SYNE2: variants seen among roughly 807,000 people sequenced by gnomAD.
The protein encoded by SYNE2 is spectrin repeat containing nuclear envelope protein 2.
A neutral mutation model predicts 856.3 loss-of-function variants in SYNE2; 431 were observed. That is an observed-to-expected ratio of 0.50 (90% CI 0.47 to 0.55). The LOEUF is 0.55. SYNE2 is among the 20% of genes least tolerant of loss of function. SYNE2 has a pLI of 0.00. For synonymous variants in SYNE2, 2,923 were observed against 2,872.3 expected (o/e 1.02, Z -0.56); for missense variants, 8,129 against 8,023.2 (o/e 1.01, Z -0.50).
chr14:63,809,614 C>T (rs1366110784), intron 1 of SYNE2, among the ~76,000 whole-genome samples: 3 of 152,154 alleles, frequency 2.0e-5, no homozygotes, highest in Non-Finnish European at 4.4e-5. Flanking sequence ...ATGCTCCTGC[C>T]TCATCCTCCC....
chr14:64,052,090 A>T lies in SYNE2; in HGVS notation c.8177A>T (p.Gln2726Leu), dbSNP rs1232922042. The T allele has an allele frequency of 3.1e-6, 5 of 1,614,228 alleles. No individual in the cohort carries two copies. The highest frequency in any genetic ancestry group is 4.2e-6 in the Non-Finnish European group (5 of 1,180,034). The stretch of plus-strand genomic sequence containing the variant: ...CCATTACACTTAGAAGCAGAAAATC[A>T]GATTAAGAAGTGTGACATAAGGAAC... ...LEPLHLEAEN[Q>L]IKKCDIRNKM... Residue 2726 changes from glutamine to leucine, a missense_variant, in exon 48 of 116, where the codon CAG becomes CTG. Physicochemically the swap from Gln to Leu is moderately radical, Grantham distance 113. This residue lies in a region of SYNE2 where 5,410 missense variants were observed against 5,284.8 expected (regional missense o/e 1.02). Coordinates refer to ENST00000555002, the MANE Select transcript of SYNE2 (RefSeq NM_182914.3).
chr14:64,175,301 G>A (rs913228906), intron 95 of SYNE2, among the ~76,000 whole-genome samples, 163 bp downstream of exon 95: 1 of 152,158 alleles, frequency 6.6e-6, no homozygotes. Context: ...GTGAAATGAT[G>A]ATATAGCATT....
chr14:63,939,304 G>T (rs2095871495), intron 2 of SYNE2, among the ~76,000 whole-genome samples: 1 of 151,956 alleles, frequency 6.6e-6, no homozygotes, highest in African/African-American at 2.4e-5. Context: ...TGTACTCTGA[G>T]GGTTCAGGTC....
At chr14:64,141,842 A>G (rs1026158438) in intron 81 of SYNE2, 100 bp from the exon 82 acceptor site, 17 of 1,439,420 alleles carry the variant, frequency 1.2e-5, no homozygotes, top group African/African-American at 2.8e-5. Flanking sequence ...GCATAATTAT[A>G]TAGCAAGACC....
intron 49 of SYNE2, among the ~76,000 whole-genome samples, chr14:64,056,499 G>A (rs1343738335): frequency 6.8e-6 from 1 of 148,148 alleles, no homozygotes; most frequent in African/African-American, 2.5e-5. Flanking sequence ...ATTTAATATT[G>A]GGTACACACA....
chr14:64,086,270 A>G (rs2097560561), intron 57 of SYNE2, among the ~76,000 whole-genome samples: 1 of 152,240 alleles, frequency 6.6e-6, no homozygotes, highest in African/African-American at 2.4e-5. Context: ...AACAATCACC[A>G]TTAAATTACT....
rs10544076 is a variant in SYNE2, at chr14:63,895,775, C to CAAAAAAA, written c.-51-13309_-51-13303dup. ...GAGTGAGACCCTGTCTCCAAATCTCCAAAAAAAAAAAAAAAAAAAACCTAG... is the reference window on the plus strand; with the variant it reads ...GAGTGAGACCCTGTCTCCAAATCTCCAAAAAAAAAAAAAAAAAAAAAAAAAAACCTAG... On this transcript the variant is annotated intron_variant, in intron 1 of 115. Coordinates refer to ENST00000555002, the MANE Select transcript of SYNE2 (RefSeq NM_182914.3). 6.8e-4 allele frequency among the ~76,000 whole-genome samples: 63 copies of CAAAAAAA among 92,604 alleles called. 1 individual carries two copies. The highest frequency in any genetic ancestry group is 2.3e-3 in the African/African-American group (50 of 22,024). The allele number at this position is 92,604 out of a possible 152,430, so 60.8% of individuals were successfully genotyped here. A position where few individuals can be genotyped will look rare whatever the true frequency, so the allele number is the denominator to read the frequency against.
At position 64,086,682 on chromosome 14, in the gene SYNE2, G is replaced by C. The variant is rs180805917; in HGVS notation, c.11485-989G>C. Among the ~76,000 whole-genome samples the C allele has an allele frequency of 3.7e-3, 478 of 128,230 alleles. 1 individual carries two copies. Among genetic ancestry groups the C allele is most frequent in the African/African-American group, 0.013 (459 of 35,218 alleles). The allele number at this position is 128,230 out of a possible 152,430, so 84.1% of individuals were successfully genotyped here. On this transcript the variant is annotated intron_variant, in intron 57 of 115. Coordinates refer to ENST00000555002, the MANE Select transcript of SYNE2 (RefSeq NM_182914.3). Reference sequence around the variant, plus strand: ...ATTTAATTTTTCTCAACAATGTTTTGTGATTTTCAGTATGCAGGTCTTTTT... The same window carrying C: ...ATTTAATTTTTCTCAACAATGTTTTCTGATTTTCAGTATGCAGGTCTTTTT...
At chr14:64,127,630 C>G (rs1382681270) in intron 73 of SYNE2, among the ~76,000 whole-genome samples, 1 of 152,080 alleles carries the variant, frequency 6.6e-6, no homozygotes, top group Non-Finnish European at 1.5e-5. Context: ...CAGGTAGATT[C>G]CTCCAGCAGT....
chr14:64,028,498 T>C (rs892286922), intron 43 of SYNE2, among the ~76,000 whole-genome samples: 3 of 152,000 alleles, frequency 2.0e-5, no homozygotes, highest in Admixed American at 6.6e-5. Flanking sequence ...TATATAATCC[T>C]CCTGCCTCAG....
At chr14:63,937,657 G>C (rs2095849973) in intron 2 of SYNE2, among the ~76,000 whole-genome samples, 1 of 152,204 alleles carries the variant, frequency 6.6e-6, no homozygotes, top group South Asian at 2.1e-4. Context: ...CATATAGTGT[G>C]AGATTACTGG....
chr14:64,225,236 C>T, intron 115 of SYNE2, 83 bp from the exon 116 acceptor site: 1 of 1,602,976 alleles, frequency 6.2e-7, no homozygotes, highest in East Asian at 2.2e-5. Flanking sequence ...GGATTTCTTA[C>T]TTACATAAGC....
intron 1 of SYNE2, among the ~76,000 whole-genome samples, chr14:63,813,850 G>C (rs1019936347): frequency 6.6e-6 from 1 of 152,142 alleles, no homozygotes; most frequent in Admixed American, 6.5e-5. Context: ...TCAGGAGTTT[G>C]AGACCAGCCT....
In SYNE2 at chr14:63,977,949, C is replaced by T. The variant is rs1428710358; in HGVS notation, c.1338C>T (p.Thr446=). ...AGCATCATTCGAACATTCTCCTTAC[C>T]TTTGAAAATAAGGATGAAAATCACT... ...RFEHHSNILL[T]FENKDENHLP... is the part of the protein sequence containing the mutation. Residue 446 remains threonine (T), a synonymous_variant, in exon 13 of 116, where the codon ACC becomes ACT. Transcript: ENST00000555002. The T allele has an allele frequency of 2.5e-6, 4 of 1,613,788 alleles. No individual in the cohort carries two copies. Among genetic ancestry groups the T allele is most frequent in the Non-Finnish European group, 3.4e-6 (4 of 1,179,876 alleles).
chr14:64,167,643 A>C lies in SYNE2; in HGVS notation c.16905+4A>C, dbSNP rs369093036. 1.3e-4 allele frequency: 216 copies of C among 1,614,060 alleles called. No individual in the cohort carries two copies. The highest frequency in any genetic ancestry group is 1.7e-4 in the Non-Finnish European group (201 of 1,180,032). ...GGAGCAGCAGAAAACCTATAAGGTA[A>C]ACCTGTGTTCTCTGCCACCCTTGAA... On this transcript the variant is annotated splice_donor_region_variant and intron_variant, in intron 92 of 115. Coordinates refer to ENST00000555002, the MANE Select transcript of SYNE2 (RefSeq NM_182914.3).
Position 63,959,269 on chromosome 14 carries a change from CTTTTTTCTT to C in SYNE2, c.788-2253_788-2245del, listed in dbSNP as rs200257404. Reference sequence around the variant, plus strand: ...TTATATGTGAGCTTACAGCCATATTCTTTTTTCTTTTCTTCTTCTTTTTTTTTTTTTTTT... The same window carrying C: ...TTATATGTGAGCTTACAGCCATATTCTTCTTCTTCTTTTTTTTTTTTTTTT... On this transcript the variant is annotated intron_variant, in intron 8 of 115. Coordinates refer to ENST00000555002, the MANE Select transcript of SYNE2 (RefSeq NM_182914.3). 1.2e-3 allele frequency among the ~76,000 whole-genome samples: 123 copies of C among 98,898 alleles called. 1 individual carries two copies. The South Asian group carries it at 0.022, about 17-fold the overall frequency. The allele number at this position is 98,898 out of a possible 152,430, so 64.9% of individuals were successfully genotyped here. A position where few individuals can be genotyped will look rare whatever the true frequency, so the allele number is the denominator to read the frequency against.
At chr14:63,955,987 T>C (rs2096237268) in intron 8 of SYNE2, among the ~76,000 whole-genome samples, 1 of 152,252 alleles carries the variant, frequency 6.6e-6, no homozygotes, top group Non-Finnish European at 1.5e-5. Flanking sequence ...ACTTCTTTGC[T>C]GAATTGAATA....
intron 7 of SYNE2, among the ~76,000 whole-genome samples, chr14:63,953,338 A>G (rs1267653919): frequency 6.6e-6 from 1 of 152,182 alleles, no homozygotes; most frequent in East Asian, 1.9e-4. Context: ...GGAGCGTCCA[A>G]GGACAGTGAC....
intron 1 of SYNE2, among the ~76,000 whole-genome samples, chr14:63,827,643 A>G (rs898086077): frequency 1.3e-4 from 20 of 149,140 alleles, no homozygotes; most frequent in Middle Eastern, 3.4e-3. Context: ...AAAAAAAAAA[A>G]AAAAAAAAAA....
Sources: allele counts gnomAD v4.1 joint callset (sites outside exome capture counted in the v4.1 genomes callset), GRCh38; gene constraint gnomAD v4.1.1; regional missense constraint gnomAD v4.1.1; transcripts MANE v1.5; gene names NCBI Gene and HGNC (gene_info 2026-07-23, HGNC 2026-07-21).